Variants in SGK1 observed in about 807,000 individuals in gnomAD.
SGK1 encodes the protein serine/threonine-protein kinase Sgk1.
In SGK1, 26 loss-of-function variants were observed where a neutral mutation model predicts 64.2. The observed-to-expected ratio is 0.40, with a 90% CI of 0.30 to 0.56. The LOEUF (loss-of-function observed/expected upper bound fraction) is 0.56. Among genes scored for constraint, SGK1 ranks in the 20% least tolerant of loss-of-function variants. The probability of loss-of-function intolerance (pLI) is 0.38; values close to 1 mark genes in which losing one functional copy is unlikely to be tolerated. For missense variants in SGK1, 519 were observed against 645.6 expected (o/e 0.80, Z 2.12); for synonymous variants, 265 against 239.7 (o/e 1.11, Z -0.98).
chr6:134,172,948 A>T, intron 8 of SGK1, 75 bp downstream of exon 8: 1 of 1,524,420 alleles, frequency 6.6e-7, no homozygotes, highest in Non-Finnish European at 8.9e-7. Context: ...AAATCTTTGA[A>T]AACTTTTTTC....
At chr6:134,210,151 G>T (rs1775864730) in intron 2 of SGK1, among the ~76,000 whole-genome samples, 1 of 152,188 alleles carries the variant, frequency 6.6e-6, no homozygotes, top group South Asian at 2.1e-4. Context: ...AGATGAGGAA[G>T]CAACCTAAAT....
At chr6:134,223,729 A>G (rs1212741059) in intron 2 of SGK1, among the ~76,000 whole-genome samples, 1 of 152,268 alleles carries the variant, frequency 6.6e-6, no homozygotes, top group Non-Finnish European at 1.5e-5. Flanking sequence ...TCAATCTTCC[A>G]TTAACACTTT....
At chr6:134,219,833 G>A (rs1347244774) in intron 2 of SGK1, among the ~76,000 whole-genome samples, 1 of 149,252 alleles carries the variant, frequency 6.7e-6, no homozygotes, top group Admixed American at 6.7e-5. Context: ...GCCGAGGCGG[G>A]CGGATCACGA....
intron 1 of SGK1, chr6:134,297,395 C>T (rs1777375492): frequency 3.9e-6 from 3 of 770,210 alleles, no homozygotes; most frequent in African/African-American, 3.4e-5. Context: ...TAACAGCCAG[C>T]TCCCCATGCT....
chr6:134,229,912 T>C (rs1776250234), intron 2 of SGK1, among the ~76,000 whole-genome samples: 1 of 152,212 alleles, frequency 6.6e-6, no homozygotes, highest in Non-Finnish European at 1.5e-5. Context: ...ATTTTTGGAA[T>C]TTCTTTCTAA....
intron 3 of SGK1, among the ~76,000 whole-genome samples, chr6:134,201,032 G>T (rs1401242950): frequency 6.6e-6 from 1 of 150,868 alleles, no homozygotes; most frequent in African/African-American, 2.4e-5. Flanking sequence ...CAAAAACATT[G>T]TCATTTTTTG....
At chr6:134,200,021 T>C (rs1270401791) in intron 3 of SGK1, among the ~76,000 whole-genome samples, 4 of 152,202 alleles carry the variant, frequency 2.6e-5, no homozygotes, top group Non-Finnish European at 4.4e-5. Context: ...ACACACATTT[T>C]GAAAGTATGA....
intron 3 of SGK1, among the ~76,000 whole-genome samples, chr6:134,181,107 T>C (rs1775324487): frequency 6.6e-6 from 1 of 152,066 alleles, no homozygotes. Flanking sequence ...GGCATCTACT[T>C]CCCCCACAAG....
At chr6:134,215,391 C>T (rs1050557690) in intron 2 of SGK1, among the ~76,000 whole-genome samples, 3 of 151,350 alleles carry the variant, frequency 2.0e-5, no homozygotes, top group Non-Finnish European at 4.4e-5. Flanking sequence ...GCTGGGATTA[C>T]AGGCATGAGC....
intron 3 of SGK1, among the ~76,000 whole-genome samples, chr6:134,175,206 C>T (rs1057220232): frequency 3.3e-5 from 5 of 152,190 alleles, no homozygotes; most frequent in Non-Finnish European, 7.4e-5. Flanking sequence ...ATTCCGCCGC[C>T]GGAGAAAGCC....
intron 13 of SGK1, 150 bp from the exon 14 acceptor site, chr6:134,170,585 A>G (rs1774983637): frequency 2.7e-6 from 2 of 731,600 alleles, no homozygotes; most frequent in Non-Finnish European, 4.5e-6. Context: ...AAGGCTACAC[A>G]CAGTTAAACA....
chr6:134,263,137 A>G (rs1776792816), intron 1 of SGK1, among the ~76,000 whole-genome samples: 1 of 152,234 alleles, frequency 6.6e-6, no homozygotes, highest in South Asian at 2.1e-4. Context: ...ACAGAAATTT[A>G]GTTCACACAT....
intron 9 of SGK1, 128 bp downstream of exon 9, chr6:134,172,534 T>C: frequency 1.3e-6 from 1 of 786,590 alleles, no homozygotes; most frequent in Non-Finnish European, 2.1e-6. Context: ...CCAGCTCACG[T>C]GCTAGGGGAT....
intron 2 of SGK1, among the ~76,000 whole-genome samples, chr6:134,209,746 G>A (rs1174788022): frequency 3.3e-5 from 5 of 151,974 alleles, no homozygotes; most frequent in South Asian, 2.1e-4. Flanking sequence ...GTGTCATCTC[G>A]GCTCACTGCA....
chr6:134,245,322 T>A (rs1205875339), intron 2 of SGK1, among the ~76,000 whole-genome samples: 1 of 152,068 alleles, frequency 6.6e-6, no homozygotes, highest in African/African-American at 2.4e-5. Flanking sequence ...GACAGTTGCT[T>A]GAGATGCCTT....
At chr6:134,203,010 G>A (rs915627312) in intron 3 of SGK1, among the ~76,000 whole-genome samples, 3 of 152,166 alleles carry the variant, frequency 2.0e-5, no homozygotes, top group Non-Finnish European at 4.4e-5. Flanking sequence ...TTGGGAGGCC[G>A]AGGTGGGCAG....
At position 134,189,429 on chromosome 6, in the gene SGK1, A is replaced by G. The variant is rs184084994; in HGVS notation, c.362-14843T>C. Among the ~76,000 whole-genome samples the G allele has an allele frequency of 3.9e-5, 6 of 152,314 alleles. No individual in the cohort carries two copies. In the East Asian group the frequency reaches 9.6e-4, roughly 24 times the overall value. On this transcript the variant is annotated intron_variant, in intron 3 of 13. Coordinates refer to ENST00000367858, the MANE Select transcript of SGK1 (RefSeq NM_001143676.3). ...TGTGAGCAAAAGATGGGGATCATAC[A>G]TAATGTCTGACCTTATAAACTACAT...
chr6:134,189,227 T>TGCGCGC (rs753776503), intron 3 of SGK1, among the ~76,000 whole-genome samples: 3 of 132,766 alleles, frequency 2.3e-5, no homozygotes, highest in African/African-American at 9.2e-5. Context: ...TGTGTGTGTG[T>TGCGCGC]GCGTGTGCGT....
chr6:134,174,956 G>GC (rs1365089620), intron 3 of SGK1: 9 of 1,395,732 alleles, frequency 6.4e-6, no homozygotes, highest in Non-Finnish European at 8.5e-6. Flanking sequence ...CCTTCGCCTC[G>GC]CCCCTCGCCC....
Sources: gnomAD v4.1 joint callset for allele counts (sites outside exome capture counted in the v4.1 genomes callset) on GRCh38, gnomAD v4.1.1 for gene constraint, MANE v1.5 for transcripts, NCBI Gene and HGNC (gene_info 2026-07-23, HGNC 2026-07-21) for gene names.